RPA1: variants seen among roughly 807,000 people sequenced by gnomAD.
The protein encoded by RPA1 is replication protein A1, also known as replication protein A 70 kDa DNA-binding subunit.
In RPA1, 49 loss-of-function variants were observed where a neutral mutation model predicts 83.0. The observed-to-expected ratio is 0.59, with a 90% CI of 0.47 to 0.75. The LOEUF (loss-of-function observed/expected upper bound fraction) is 0.75, where lower values mean the gene tolerates loss of function less well. RPA1 is among the 30% of genes least tolerant of loss of function. The pLI is 0.00. For synonymous variants in RPA1, 279 were observed against 281.8 expected, an observed-to-expected ratio of 0.99 and a Z score of 0.10; for missense variants, 693 against 776.1, an observed-to-expected ratio of 0.89 and a Z score of 1.27.
intron 16 of RPA1, among the ~76,000 whole-genome samples, chr17:1,896,025 A>G (rs537445534): frequency 1.6e-4 from 24 of 152,288 alleles, no homozygotes; most frequent in African/African-American, 5.8e-4. Context: ...ATGGTCTGCC[A>G]GGTAACTGTT....
At chr17:1,848,168 AT>A (rs771414102) in intron 4 of RPA1, among the ~76,000 whole-genome samples, 3 of 152,232 alleles carry the variant, frequency 2.0e-5, no homozygotes, top group Non-Finnish European at 4.4e-5. Context: ...TGATGCTTGC[AT>A]AACTGCAAAA....
rs201380763 is a variant in RPA1 at position 1,872,549 on chromosome 17, C to T, written c.454+23C>T. The T allele has an allele frequency of 2.4e-5, 38 of 1,610,934 alleles. No homozygotes were observed. In the African/African-American group the frequency reaches 3.1e-4, roughly 13 times the overall value. On this transcript the variant is annotated intron_variant, in intron 6 of 16. Coordinates refer to ENST00000254719, the MANE Select transcript of RPA1 (RefSeq NM_002945.5). Reference sequence around the variant, plus strand: ...TGGGTGAGATGCCTCACGGGGCGTGCGCTGACCAGGGGTGTCAGACTTCGG... The same window carrying T: ...TGGGTGAGATGCCTCACGGGGCGTGTGCTGACCAGGGGTGTCAGACTTCGG...
At chr17:1,867,864 C>T (rs1318100544) in intron 5 of RPA1, among the ~76,000 whole-genome samples, 2 of 151,772 alleles carry the variant, frequency 1.3e-5, no homozygotes, top group African/African-American at 2.4e-5. Context: ...GGATCAGTTG[C>T]GCCCAGGAGT....
At chr17:1,872,979 G>A (rs977772876) in intron 6 of RPA1, among the ~76,000 whole-genome samples, 14 of 152,138 alleles carry the variant, frequency 9.2e-5, no homozygotes, top group Non-Finnish European at 2.1e-4. Context: ...TCCAGCCAAA[G>A]ATAATCTTAA....
chr17:1,844,501 T>C (rs1195330166), intron 3 of RPA1, 77 bp from the exon 4 acceptor site: 4 of 1,098,010 alleles, frequency 3.6e-6, no homozygotes, highest in Non-Finnish European at 5.4e-6. Flanking sequence ...TTTTCTTTGC[T>C]AGCACAGGTA....
chr17:1,858,908 T>TA (rs71150825), intron 5 of RPA1, among the ~76,000 whole-genome samples: 92,924 of 147,236 alleles, frequency 0.63, 29,783 homozygotes, highest in Non-Finnish European at 0.69. Flanking sequence ...TATTTTATTT[T>TA]TTTTTTTTTT....
chr17:1,880,912 C>CA (rs1422241536), intron 12 of RPA1, among the ~76,000 whole-genome samples: 1 of 152,198 alleles, frequency 6.6e-6, no homozygotes, highest in African/African-American at 2.4e-5. Flanking sequence ...TCGGAGGAGG[C>CA]AATTAGCATG....
intron 1 of RPA1, among the ~76,000 whole-genome samples, chr17:1,837,290 C>G (rs1401777505): frequency 6.6e-6 from 1 of 152,090 alleles, no homozygotes; most frequent in African/African-American, 2.4e-5. Context: ...TGAGATTTAC[C>G]CATGTTAATT....
intron 1 of RPA1, among the ~76,000 whole-genome samples, chr17:1,832,005 T>G (rs1267928364): frequency 1.4e-5 from 2 of 146,408 alleles, no homozygotes; most frequent in Non-Finnish European, 3.0e-5. Flanking sequence ...CTCGGCTCAC[T>G]GCAACCTCTG....
At chr17:1,891,372 C>T (rs1914194621) in intron 14 of RPA1, among the ~76,000 whole-genome samples, 1 of 152,206 alleles carries the variant, frequency 6.6e-6, no homozygotes, top group Admixed American at 6.5e-5. Context: ...ATTGAAAATG[C>T]AGAGAACTCC....
intron 4 of RPA1, among the ~76,000 whole-genome samples, chr17:1,845,732 A>G (rs927857452): frequency 2.0e-5 from 3 of 152,104 alleles, no homozygotes; most frequent in Non-Finnish European, 4.4e-5. Flanking sequence ...GGAGTTTGCA[A>G]CCAGCCTGGA....
intron 14 of RPA1, 70 bp from the exon 15 acceptor site, chr17:1,891,763 C>A: frequency 9.9e-7 from 1 of 1,013,200 alleles, no homozygotes; most frequent in South Asian, 1.5e-5. Flanking sequence ...GAACATTAAC[C>A]TCTCCCCATC....
At chr17:1,864,145 C>T (rs1031023911) in intron 5 of RPA1, among the ~76,000 whole-genome samples, 12 of 152,222 alleles carry the variant, frequency 7.9e-5, no homozygotes, top group African/African-American at 2.9e-4. Flanking sequence ...AGAGAAGGAG[C>T]TGTTTCTTAA....
intron 14 of RPA1, 48 bp downstream of exon 14, chr17:1,888,899 C>T: frequency 1.9e-6 from 3 of 1,573,590 alleles, no homozygotes; most frequent in Non-Finnish European, 1.7e-6. Flanking sequence ...CACGGAGGCC[C>T]TCCCGTGTGC....
At chr17:1,849,286 G>GTC (rs1912382872) in intron 4 of RPA1, among the ~76,000 whole-genome samples, 1 of 108,576 alleles carries the variant, frequency 9.2e-6, no homozygotes, top group Non-Finnish European at 1.8e-5. Flanking sequence ...TTTGTTGGCT[G>GTC]TTCTTTTTTT....
At chr17:1,834,826 A>T (rs1911751658) in intron 1 of RPA1, among the ~76,000 whole-genome samples, 1 of 152,082 alleles carries the variant, frequency 6.6e-6, no homozygotes, top group Admixed American at 6.5e-5. Context: ...ATTTGAACAC[A>T]TGTGCCCTTG....
chr17:1,893,780 T>G lies in RPA1; in HGVS notation c.1660-1229T>G, dbSNP rs185212181. Among the ~76,000 whole-genome samples the G allele has an allele frequency of 5.3e-5, 8 of 152,286 alleles. No homozygotes were observed. The East Asian group carries it at 1.5e-3, about 29-fold the overall frequency. On this transcript the variant is annotated intron_variant, in intron 15 of 16. Coordinates refer to ENST00000254719, the MANE Select transcript of RPA1 (RefSeq NM_002945.5). ...CTTTGCGCACCTCAACAGTCTTCTCTGCTTGCACACCAAATCAGTAGCTAT... is the reference window on the plus strand; with the variant it reads ...CTTTGCGCACCTCAACAGTCTTCTCGGCTTGCACACCAAATCAGTAGCTAT...
intron 2 of RPA1, among the ~76,000 whole-genome samples, chr17:1,843,379 TC>T (rs1211649820): frequency 6.6e-6 from 1 of 151,688 alleles, no homozygotes; most frequent in Admixed American, 6.6e-5. Context: ...AGCTTGGGGC[TC>T]TGGGTACAGG....
intron 1 of RPA1, among the ~76,000 whole-genome samples, chr17:1,833,128 T>C (rs1357662404): frequency 6.6e-6 from 1 of 151,702 alleles, no homozygotes; most frequent in Non-Finnish European, 1.5e-5. Context: ...GGTTTCGCCA[T>C]GTAGGCCAGG....
Sources: gnomAD v4.1 joint callset for allele counts (sites outside exome capture counted in the v4.1 genomes callset) on GRCh38, gnomAD v4.1.1 for gene constraint, MANE v1.5 for transcripts, NCBI Gene and HGNC (gene_info 2026-07-23, HGNC 2026-07-21) for gene names.